The following ARHGAP15 variants were observed in gnomAD, a reference collection of about 807,000 sequenced individuals.
The protein encoded by ARHGAP15 is Rho GTPase activating protein 15, also known as rho GTPase-activating protein 15.
A neutral mutation model predicts 63.7 loss-of-function variants in ARHGAP15; 51 were observed. That is an observed-to-expected ratio of 0.80 (90% CI 0.64 to 1.01). ARHGAP15 has a LOEUF of 1.01. ARHGAP15 is among the 50% of genes least tolerant of loss of function. The probability of loss-of-function intolerance (pLI) is 0.00; values close to 1 mark genes in which losing one functional copy is unlikely to be tolerated. For missense variants in ARHGAP15, 560 were observed against 564.6 expected (o/e 0.99, Z 0.08); for synonymous variants, 191 against 193.8 (o/e 0.99, Z 0.12).
chr2:143,309,402 C>A (rs1683332103), intron 6 of ARHGAP15, among the ~76,000 whole-genome samples: 1 of 152,016 alleles, frequency 6.6e-6, no homozygotes, highest in South Asian at 2.1e-4. Context: ...CCATCTACAC[C>A]AAAGTGAGTG....
intron 9 of ARHGAP15, among the ~76,000 whole-genome samples, chr2:143,509,556 T>C (rs1473265709): frequency 6.6e-6 from 1 of 152,186 alleles, no homozygotes; most frequent in Non-Finnish European, 1.5e-5. Context: ...TTTTTCTGTG[T>C]CTTAATTCAA....
At chr2:143,300,353 C>A (rs1251186513) in intron 6 of ARHGAP15, among the ~76,000 whole-genome samples, 1 of 151,976 alleles carries the variant, frequency 6.6e-6, no homozygotes. Context: ...ATAATTTTTT[C>A]ATATATGAAA....
chr2:143,159,934 G>T (rs527661946), intron 2 of ARHGAP15, among the ~76,000 whole-genome samples: 1 of 152,010 alleles, frequency 6.6e-6, no homozygotes, highest in African/African-American at 2.4e-5. Flanking sequence ...GTCCTATTTA[G>T]TGTAAGATGT....
At chr2:143,725,999 G>A (rs556983041) in intron 13 of ARHGAP15, among the ~76,000 whole-genome samples, 9 of 152,266 alleles carry the variant, frequency 5.9e-5, no homozygotes, top group African/African-American at 1.9e-4. Flanking sequence ...TATAAAAGAT[G>A]GGACAATTAT....
intron 6 of ARHGAP15, among the ~76,000 whole-genome samples, chr2:143,387,587 A>C (rs952356219): frequency 2.0e-5 from 3 of 152,200 alleles, no homozygotes; most frequent in African/African-American, 7.2e-5. Flanking sequence ...AAACAGATAC[A>C]CAGAGCAGGT....
intron 13 of ARHGAP15, among the ~76,000 whole-genome samples, chr2:143,712,803 T>A (rs1447697044): frequency 3.4e-5 from 5 of 145,578 alleles, no homozygotes; most frequent in Admixed American, 6.8e-5. Flanking sequence ...CCTTCAGCTT[T>A]AAAAAAAAAA....
chr2:143,575,842 A>G (rs1384872571), intron 11 of ARHGAP15, among the ~76,000 whole-genome samples: 1 of 152,142 alleles, frequency 6.6e-6, no homozygotes, highest in Non-Finnish European at 1.5e-5. Context: ...TGTGAAGTAA[A>G]TAAGAGATGA....
At chr2:143,356,852 A>G (rs1172702682) in intron 6 of ARHGAP15, among the ~76,000 whole-genome samples, 1 of 152,182 alleles carries the variant, frequency 6.6e-6, no homozygotes, top group African/African-American at 2.4e-5. Context: ...TTATTTTGGT[A>G]GTCTGATATT....
intron 10 of ARHGAP15, among the ~76,000 whole-genome samples, chr2:143,550,899 G>A (rs1226856288): frequency 1.3e-5 from 2 of 152,158 alleles, no homozygotes; most frequent in Non-Finnish European, 2.9e-5. Context: ...ATAAAACTGG[G>A]AAGGGAAGTG....
chr2:143,736,484 T>G (rs1022912847), intron 13 of ARHGAP15, among the ~76,000 whole-genome samples: 1 of 151,952 alleles, frequency 6.6e-6, no homozygotes. Flanking sequence ...TGGAATTAAA[T>G]AGAGTAGGGT....
chr2:143,445,403 T>C (rs1690091714), intron 8 of ARHGAP15, among the ~76,000 whole-genome samples: 1 of 152,060 alleles, frequency 6.6e-6, no homozygotes, highest in South Asian at 2.1e-4. Flanking sequence ...CCTCACGATC[T>C]GCCCACCTTG....
chr2:143,455,634 G>A (rs1338601216), intron 8 of ARHGAP15, among the ~76,000 whole-genome samples: 1 of 152,076 alleles, frequency 6.6e-6, no homozygotes, highest in Non-Finnish European at 1.5e-5. Flanking sequence ...TTATACACAT[G>A]ATGAAATACT....
At chr2:143,319,238 T>C (rs1030306855) in intron 6 of ARHGAP15, among the ~76,000 whole-genome samples, 1 of 151,968 alleles carries the variant, frequency 6.6e-6, no homozygotes, top group Non-Finnish European at 1.5e-5. Context: ...CTTTTTTTTT[T>C]TTTTAATATG....
At chr2:143,295,260 G>C (rs905171280) in intron 6 of ARHGAP15, among the ~76,000 whole-genome samples, 3 of 152,014 alleles carry the variant, frequency 2.0e-5, no homozygotes, top group South Asian at 4.1e-4. Context: ...ATTAGGCATG[G>C]CTTAAGTTAC....
At chr2:143,325,454 T>C (rs1455774062) in intron 6 of ARHGAP15, among the ~76,000 whole-genome samples, 2 of 152,166 alleles carry the variant, frequency 1.3e-5, no homozygotes, top group Admixed American at 1.3e-4. Context: ...GGAAAATGAT[T>C]AAGTATATTG....
chr2:143,296,656 A>G (rs1444285935), intron 6 of ARHGAP15, among the ~76,000 whole-genome samples: 1 of 151,832 alleles, frequency 6.6e-6, no homozygotes, highest in Non-Finnish European at 1.5e-5. Context: ...CCTTTTTTAG[A>G]AACTCGATCT....
chr2:143,615,902 C>T (rs773743174), intron 11 of ARHGAP15, among the ~76,000 whole-genome samples: 7 of 152,074 alleles, frequency 4.6e-5, no homozygotes, highest in Middle Eastern at 3.4e-3. Flanking sequence ...CCATTGTGTA[C>T]GGTATCTATA....
intron 5 of ARHGAP15, among the ~76,000 whole-genome samples, chr2:143,239,759 G>A (rs1204952572): frequency 6.6e-6 from 1 of 151,946 alleles, no homozygotes; most frequent in Admixed American, 6.5e-5. Context: ...GGGAGCCCAA[G>A]GCAGGTGGAT....
chr2:143,409,120 C>T (rs1688335689), intron 6 of ARHGAP15, among the ~76,000 whole-genome samples: 1 of 151,978 alleles, frequency 6.6e-6, no homozygotes, highest in East Asian at 1.9e-4. Flanking sequence ...TACCTGGCTA[C>T]CTAACCAGGT....
Sources: allele counts gnomAD v4.1 joint callset (sites outside exome capture counted in the v4.1 genomes callset), GRCh38; gene constraint gnomAD v4.1.1; transcripts MANE v1.5; gene names NCBI Gene and HGNC (gene_info 2026-07-23, HGNC 2026-07-21).